Variants in ITGB6 observed in about 807,000 individuals in gnomAD.
ITGB6 encodes the protein integrin beta-6.
A neutral mutation model predicts 84.5 loss-of-function variants in ITGB6; 80 were observed. That is an observed-to-expected ratio of 0.95 (90% CI 0.79 to 1.14). The LOEUF (loss-of-function observed/expected upper bound fraction) is 1.14. Among genes scored for constraint, ITGB6 ranks in the 50% most tolerant of loss-of-function variants. The pLI, the probability that ITGB6 is intolerant of heterozygous loss-of-function variation, is 0.00. For synonymous variants in ITGB6, 383 were observed against 354.9 expected (o/e 1.08, Z -0.89); for missense variants, 1,006 against 968.0 (o/e 1.04, Z -0.52).
At chr2:160,155,908 G>C (rs1473627093) in intron 7 of ITGB6, among the ~76,000 whole-genome samples, 1 of 152,156 alleles carries the variant, frequency 6.6e-6, no homozygotes, top group Non-Finnish European at 1.5e-5. Context: ...TCACTAGAAT[G>C]GCTAAAATTA....
chr2:160,134,332 A>G (rs1448413186), intron 10 of ITGB6, among the ~76,000 whole-genome samples: 1 of 152,230 alleles, frequency 6.6e-6, no homozygotes, highest in Non-Finnish European at 1.5e-5. Flanking sequence ...CTCGACACAT[A>G]CACTCTCCCA....
chr2:160,163,046 A>G (rs1235879392), intron 7 of ITGB6, among the ~76,000 whole-genome samples: 1 of 152,164 alleles, frequency 6.6e-6, no homozygotes, highest in Admixed American at 6.5e-5. Flanking sequence ...TGTGATTACC[A>G]TAGACAGTAG....
intron 12 of ITGB6, among the ~76,000 whole-genome samples, chr2:160,122,332 A>G (rs938942532): frequency 1.3e-5 from 2 of 152,208 alleles, no homozygotes; most frequent in Non-Finnish European, 2.9e-5. Flanking sequence ...ACTTAAATAT[A>G]GTAAGTACCT....
intron 12 of ITGB6, among the ~76,000 whole-genome samples, chr2:160,117,866 A>G (rs556821266): frequency 6.6e-6 from 1 of 152,354 alleles, no homozygotes; most frequent in Non-Finnish European, 1.5e-5. Context: ...ACAAACTACC[A>G]TCAGAGAATA....
chr2:160,104,973 TG>T (rs1244103308), intron 14 of ITGB6, among the ~76,000 whole-genome samples: 1 of 152,326 alleles, frequency 6.6e-6, no homozygotes, highest in Non-Finnish European at 1.5e-5. Context: ...TGGAGGGCAC[TG>T]GGTTTCAAAG....
rs1353660016 is a variant in ITGB6 at position 160,126,380 on chromosome 2, GT to G, written c.1881del (p.Lys627AsnfsTer25). ...CPTCGDPCNS[K>X]RSCIECHLSA... is the part of the protein sequence containing the mutation. ...AATGGAGAAAAGCAGAGACATTACCGTTTAGAGTTACAGGGGTCACCACAGG... is the reference window on the plus strand; with the variant it reads ...AATGGAGAAAAGCAGAGACATTACCGTTAGAGTTACAGGGGTCACCACAGG... On this transcript the variant is annotated frameshift_variant and splice_region_variant, in exon 11 of 15. Transcript: ENST00000283249. LOFTEE classifies it high-confidence loss of function. The G allele has an allele frequency of 6.2e-7, 1 of 1,613,582 alleles. No individual in the cohort carries two copies. Among genetic ancestry groups the G allele is most frequent in the Non-Finnish European group, 8.5e-7 (1 of 1,179,502 alleles).
chr2:160,168,427 C>G (rs947503631), intron 7 of ITGB6, among the ~76,000 whole-genome samples: 2 of 152,172 alleles, frequency 1.3e-5, no homozygotes, highest in African/African-American at 2.4e-5. Context: ...ATAGAAGGCA[C>G]AGACTATTTA....
chr2:160,188,849 C>T (rs573240081), intron 4 of ITGB6, among the ~76,000 whole-genome samples: 2 of 152,072 alleles, frequency 1.3e-5, no homozygotes, highest in South Asian at 2.1e-4. Context: ...CATGATTCAC[C>T]CACCTAAGCC....
chr2:160,196,441 C>A lies in ITGB6; in HGVS notation c.142-21G>T, dbSNP rs537564840. The stretch of plus-strand genomic sequence containing the variant: ...AAATTCTAAAAAAGAAAAAGAAAAA[C>A]AATAACCAGAAAAAGAAAACAAATC... On this transcript the variant is annotated intron_variant, in intron 2 of 14. Coordinates refer to ENST00000283249, the MANE Select transcript of ITGB6 (RefSeq NM_000888.5). 7.7e-4 allele frequency: 1,207 copies of A among 1,568,292 alleles called. 3 individuals are homozygous for A. Among genetic ancestry groups the A allele is most frequent in the Non-Finnish European group, 9.5e-4 (1,092 of 1,151,704 alleles).
In ITGB6 at chr2:160,107,557, G is replaced by A. The variant is rs996789461; in HGVS notation, c.2268+122C>T. 43 of 852,580 alleles carry A rather than the reference G, an allele frequency of 5.0e-5. No homozygotes were observed. In the African/African-American group the frequency reaches 6.6e-4, roughly 13 times the overall value. The allele number at this position is 852,580 out of a possible 1,614,324, so 52.8% of individuals were successfully genotyped here. On this transcript the variant is annotated intron_variant, in intron 14 of 14. Transcript: ENST00000283249. ...AAATCAAAGCTGTTGGAGTCATGGC[G>A]AGAGTGGGAGAGAAAAAATGTGACA...
At chr2:160,154,393 T>C (rs12995411) in intron 7 of ITGB6, among the ~76,000 whole-genome samples, 6,702 of 136,160 alleles carry the variant, frequency 0.049, 190 homozygotes, top group Middle Eastern at 0.12. Context: ...TGAGAACTCT[T>C]GGACCCAGGA....
intron 13 of ITGB6, among the ~76,000 whole-genome samples, chr2:160,109,945 C>T (rs1357057598): frequency 6.6e-6 from 1 of 152,212 alleles, no homozygotes; most frequent in Non-Finnish European, 1.5e-5. Context: ...ATACTGATTA[C>T]ACGTTGAAAT....
chr2:160,180,686 G>C (rs1267832270), intron 4 of ITGB6, among the ~76,000 whole-genome samples: 1 of 152,192 alleles, frequency 6.6e-6, no homozygotes, highest in Non-Finnish European at 1.5e-5. Flanking sequence ...AAGCAGTAGT[G>C]AGAAGGCTGG....
chr2:160,169,449 ATACACAAT>A, intron 6 of ITGB6, 142 bp from the exon 7 acceptor site: 1 of 543,022 alleles, frequency 1.8e-6, no homozygotes, highest in East Asian at 3.0e-5. Context: ...AAGTAAACAA[ATACACAAT>A]TAGCATTATT....
intron 1 of ITGB6, 109 bp from the exon 2 acceptor site, chr2:160,199,367 T>G (rs1369878965): frequency 1.3e-6 from 1 of 768,356 alleles, no homozygotes; most frequent in Non-Finnish European, 2.2e-6. Flanking sequence ...AAAGTTTAGT[T>G]TAGTATCCAA....
intron 4 of ITGB6, among the ~76,000 whole-genome samples, chr2:160,179,288 T>C (rs1024434900): frequency 3.9e-5 from 6 of 152,040 alleles, no homozygotes; most frequent in Admixed American, 3.3e-4. Context: ...CATGGACTTA[T>C]TACCTTTGCA....
At chr2:160,194,265 T>A (rs1372190835) in intron 4 of ITGB6, among the ~76,000 whole-genome samples, 1 of 152,180 alleles carries the variant, frequency 6.6e-6, no homozygotes, top group Non-Finnish European at 1.5e-5. Flanking sequence ...CATTGATAAA[T>A]TTCCTTTATG....
At chr2:160,138,224 A>G in intron 8 of ITGB6, 25 bp from the exon 9 acceptor site, 1 of 1,565,966 alleles carries the variant, frequency 6.4e-7, no homozygotes, top group Non-Finnish European at 8.6e-7. Flanking sequence ...TAAAGAGTTC[A>G]GTGAAGTCAC....
chr2:160,199,156 C>A (rs769050334), intron 2 of ITGB6, 23 bp downstream of exon 2: 96 of 1,590,742 alleles, frequency 6.0e-5, no homozygotes, highest in Non-Finnish European at 7.7e-5. Flanking sequence ...GTTTTAAAAA[C>A]ACATTGAGGT....
Sources: gnomAD v4.1 joint callset for allele counts (sites outside exome capture counted in the v4.1 genomes callset) on GRCh38, gnomAD v4.1.1 for gene constraint, MANE v1.5 for transcripts, NCBI Gene and HGNC (gene_info 2026-07-23, HGNC 2026-07-21) for gene names.